SEPHS1: variants seen among roughly 807,000 people sequenced by gnomAD.
SEPHS1 encodes the protein selenophosphate synthetase 1, also known as zincore component SEPHS1.
SEPHS1 carries 7 observed loss-of-function variants against 39.2 expected under a neutral mutation model. The ratio of observed to expected loss-of-function variants is 0.18; its 90% CI spans 0.10 to 0.34. The LOEUF is 0.34. Among genes scored for constraint, SEPHS1 ranks in the 10% least tolerant of loss-of-function variants. The pLI, the probability that SEPHS1 is intolerant of heterozygous loss-of-function variation, is 1.00. For synonymous variants in SEPHS1, 190 were observed against 195.5 expected, an observed-to-expected ratio of 0.97 and a Z score of 0.23; for missense variants, 253 against 514.5, an observed-to-expected ratio of 0.49 and a Z score of 4.92.
chr10:13,328,478 A>G, intron 6 of SEPHS1, 28 bp from the exon 7 acceptor site: 1 of 1,461,550 alleles, frequency 6.8e-7, no homozygotes, highest in Non-Finnish European at 9.5e-7. Context: ...GGTGAGGGAG[A>G]GAAAGAGAGG....
intron 3 of SEPHS1, among the ~76,000 whole-genome samples, chr10:13,337,186 A>G (rs1285173673): frequency 1.3e-5 from 2 of 152,130 alleles, no homozygotes; most frequent in Non-Finnish European, 2.9e-5. Flanking sequence ...AAATTTTTGT[A>G]GCTTCTTTTC....
At chr10:13,322,138 CTT>C (rs1180082077) in intron 8 of SEPHS1, 4 of 356,104 alleles carry the variant, frequency 1.1e-5, no homozygotes, top group East Asian at 9.0e-5. Context: ...GTATCATTCT[CTT>C]TTCTTTTTTT....
Position 13,318,963 on chromosome 10 carries a change from T to A in SEPHS1, c.*179A>T. On this transcript the variant is annotated 3_prime_UTR_variant, in exon 9 of 9. Transcript: ENST00000327347. ...CAAGATTAGGTGCATCTTCAGTTAA[T>A]GTAACAGGAAAAAAAGGCAATGGAT... 1 of 607,020 alleles carries A rather than the reference T, an allele frequency of 1.6e-6. No homozygotes were observed. Among genetic ancestry groups the A allele is most frequent in the Non-Finnish European group, 2.8e-6 (1 of 351,682 alleles). The allele number at this position is 607,020 out of a possible 1,614,324, so 37.6% of individuals were successfully genotyped here.
intron 7 of SEPHS1, among the ~76,000 whole-genome samples, chr10:13,324,905 C>T (rs925619534): frequency 2.0e-5 from 3 of 152,340 alleles, no homozygotes; most frequent in Non-Finnish European, 4.4e-5. Context: ...CTACAGTTCC[C>T]TATTGACGTA....
chr10:13,325,316 C>A (rs1833232353), intron 7 of SEPHS1, among the ~76,000 whole-genome samples: 1 of 152,178 alleles, frequency 6.6e-6, no homozygotes, highest in African/African-American at 2.4e-5. Flanking sequence ...TCAATATGGT[C>A]TGGCTCTGTG....
intron 8 of SEPHS1, among the ~76,000 whole-genome samples, chr10:13,322,317 T>A (rs1025399122): frequency 6.6e-6 from 1 of 151,936 alleles, no homozygotes; most frequent in Non-Finnish European, 1.5e-5. Context: ...ACTTTTTTTT[T>A]GTATTTTTAG....
At chr10:13,336,106 G>A (rs114434944) in intron 4 of SEPHS1, 137 bp downstream of exon 4, 2 of 549,342 alleles carry the variant, frequency 3.6e-6, no homozygotes, top group Non-Finnish European at 6.5e-6. Context: ...CTGCCAAAAA[G>A]TGGAGAGCCA....
chr10:13,322,812 C>T lies in SEPHS1; in HGVS notation c.964+23G>A, dbSNP rs79127988. 536 of 1,607,398 alleles carry T rather than the reference C, an allele frequency of 3.3e-4. 1 individual carries two copies. In the African/African-American group the frequency reaches 6.0e-3, roughly 18 times the overall value. The stretch of plus-strand genomic sequence containing the variant: ...TCTGTTAGCCTCACTATTTAGTCCT[C>T]AGATGCGCCCAGCATCCTGTACCTG... On this transcript the variant is annotated intron_variant, in intron 8 of 8. Transcript: ENST00000327347.
intron 2 of SEPHS1, among the ~76,000 whole-genome samples, chr10:13,343,873 G>A (rs1453106109): frequency 6.6e-6 from 1 of 152,048 alleles, no homozygotes; most frequent in Non-Finnish European, 1.5e-5. Context: ...CCAAACCTCC[G>A]AAACTATGCG....
At chr10:13,322,143 C>CT (rs56709546) in intron 8 of SEPHS1, 1,924 of 314,520 alleles carry the variant, frequency 6.1e-3, no homozygotes, top group Non-Finnish European at 7.1e-3. Context: ...ATTCTCTTTT[C>CT]TTTTTTTTTT....
In SEPHS1 at chr10:13,325,961, AAAAT is replaced by A. The variant is rs1481522241; in HGVS notation, c.751+2386_751+2389del. Reference sequence around the variant, plus strand: ...GACTCAGTCTCAAAAAAAAAAAAAAAAAATAATAATAATAATAATAAATGAATAA... The same window carrying A: ...GACTCAGTCTCAAAAAAAAAAAAAAAAATAATAATAATAATAAATGAATAA... On this transcript the variant is annotated intron_variant, in intron 7 of 8. Transcript: ENST00000327347. Among the ~76,000 whole-genome samples the A allele has an allele frequency of 3.9e-3, 178 of 45,768 alleles. 7 individuals are homozygous for A. Among genetic ancestry groups the A allele is most frequent in the East Asian group, 0.015 (14 of 906 alleles). 30.0% of individuals were successfully genotyped at this position (45,768 alleles called of 152,430 possible).
At chr10:13,338,217 A>T (rs1373237105) in intron 3 of SEPHS1, among the ~76,000 whole-genome samples, 1 of 152,178 alleles carries the variant, frequency 6.6e-6, no homozygotes, top group East Asian at 1.9e-4. Flanking sequence ...GAGTGAATTA[A>T]CCAGATATCC....
intron 8 of SEPHS1, among the ~76,000 whole-genome samples, chr10:13,319,787 C>CA (rs1833047152): frequency 6.6e-6 from 1 of 152,090 alleles, no homozygotes; most frequent in South Asian, 2.1e-4. Flanking sequence ...GCCTAAGAGG[C>CA]CTGTTCTATG....
chr10:13,329,420 C>T (rs1833402927), intron 6 of SEPHS1, among the ~76,000 whole-genome samples: 1 of 152,148 alleles, frequency 6.6e-6, no homozygotes, highest in African/African-American at 2.4e-5. Flanking sequence ...ACGAAGCTAT[C>T]TCAGGGCCAA....
intron 5 of SEPHS1, among the ~76,000 whole-genome samples, chr10:13,331,723 G>A (rs549668463): frequency 2.0e-5 from 3 of 152,184 alleles, no homozygotes; most frequent in Non-Finnish European, 2.9e-5. Context: ...AACATGGAAA[G>A]TGACAACTTG....
intron 5 of SEPHS1, among the ~76,000 whole-genome samples, chr10:13,332,097 T>C (rs1833489417): frequency 6.6e-6 from 1 of 152,192 alleles, no homozygotes; most frequent in Admixed American, 6.5e-5. Context: ...CATGGCAGCA[T>C]CATTCCTAAT....
chr10:13,333,398 G>A (rs376975533), intron 5 of SEPHS1, among the ~76,000 whole-genome samples: 1 of 148,938 alleles, frequency 6.7e-6, no homozygotes, highest in Non-Finnish European at 1.5e-5. Context: ...CTCCAAAAGC[G>A]CTGGGATTAC....
intron 5 of SEPHS1, among the ~76,000 whole-genome samples, chr10:13,331,922 T>C (rs527539568): frequency 1.3e-5 from 2 of 152,308 alleles, no homozygotes; most frequent in South Asian, 2.1e-4. Flanking sequence ...CATAGAGAAA[T>C]TGGAATCCTC....
rs1170388597 is a variant in SEPHS1, at chr10:13,344,749, G to A, written c.193+9C>T. ...TCGCAGACCATCAAAGAAACACTGG[G>A]TTACCTACCAAGCCTTGGCATAACG... is the stretch of plus-strand genomic sequence containing the variant. On this transcript the variant is annotated intron_variant, in intron 2 of 8. Coordinates refer to ENST00000327347, the MANE Select transcript of SEPHS1 (RefSeq NM_012247.5). 2 of 1,477,948 alleles carry A rather than the reference G, an allele frequency of 1.4e-6. No homozygotes were observed. Among genetic ancestry groups the A allele is most frequent in the Non-Finnish European group, 1.8e-6 (2 of 1,103,776 alleles). 91.6% of individuals were successfully genotyped at this position (1,477,948 alleles called of 1,614,324 possible).
Sources: allele counts gnomAD v4.1 joint callset (sites outside exome capture counted in the v4.1 genomes callset), GRCh38; gene constraint gnomAD v4.1.1; transcripts MANE v1.5; gene names NCBI Gene and HGNC (gene_info 2026-07-23, HGNC 2026-07-21).